Variants in AKT3 observed in about 807,000 individuals in gnomAD.
The protein encoded by AKT3 is AKT serine/threonine kinase 3.
AKT3 carries 15 observed loss-of-function variants against 65.3 expected under a neutral mutation model. The ratio of observed to expected loss-of-function variants is 0.23; its 90% confidence interval spans 0.15 to 0.35. The LOEUF is 0.35. AKT3 is among the 10% of genes least tolerant of loss of function. AKT3 has a pLI of 1.00. For synonymous variants in AKT3, 206 were observed against 183.8 expected (o/e 1.12, Z -0.98); for missense variants, 243 against 576.5 (o/e 0.42, Z 5.92).
chr1:243,716,175 T>C (rs1686502256), intron 2 of AKT3, among the ~76,000 whole-genome samples: 1 of 152,070 alleles, frequency 6.6e-6, no homozygotes, highest in African/African-American at 2.4e-5. Context: ...TCTGATATCC[T>C]TTACCTAAAG....
chr1:243,764,079 G>T (rs1310704490), intron 2 of AKT3, among the ~76,000 whole-genome samples: 1 of 152,034 alleles, frequency 6.6e-6, no homozygotes, highest in Non-Finnish European at 1.5e-5. Context: ...TTATACAACA[G>T]ATTACAATCA....
At position 243,563,849 on chromosome 1, in the gene AKT3, C is replaced by A. The variant is rs2148488321; in HGVS notation, c.820-1G>T. 1 of 1,603,368 alleles carries A rather than the reference C, an allele frequency of 6.2e-7. No individual in the cohort carries two copies. Among genetic ancestry groups the A allele is most frequent in the African/African-American group, 1.3e-5 (1 of 74,414 alleles). On this transcript the variant is annotated splice_acceptor_variant, in intron 9 of 13. Coordinates refer to ENST00000673466, the MANE Select transcript of AKT3 (RefSeq NM_005465.7). LOFTEE classifies it high-confidence loss of function. ...CTTTGTCCAGCATTAGATTCTCCAA[C>A]TGTGTATTAAGAAAAATGACATAAT...
chr1:243,584,129 A>G (rs1052955468), intron 8 of AKT3, among the ~76,000 whole-genome samples: 2 of 152,128 alleles, frequency 1.3e-5, no homozygotes, highest in African/African-American at 4.8e-5. Context: ...TAGAAATGAC[A>G]AAGATTACAT....
chr1:243,607,620 T>TG (rs1258285346), intron 8 of AKT3, among the ~76,000 whole-genome samples: 1 of 152,206 alleles, frequency 6.6e-6, no homozygotes, highest in Non-Finnish European at 1.5e-5. Context: ...ACTTTGAACT[T>TG]GGACTTTTGG....
At chr1:243,801,141 C>T (rs1432760761) in intron 2 of AKT3, among the ~76,000 whole-genome samples, 1 of 152,100 alleles carries the variant, frequency 6.6e-6, no homozygotes, top group Non-Finnish European at 1.5e-5. Context: ...TTAAAATGAG[C>T]TACTAGCTTT....
At chr1:243,638,831 A>G (rs1680166965) in intron 5 of AKT3, among the ~76,000 whole-genome samples, 1 of 152,132 alleles carries the variant, frequency 6.6e-6, no homozygotes, top group South Asian at 2.1e-4. Context: ...ACAAACTTAA[A>G]AAAAAAGCAA....
chr1:243,799,901 T>C (rs1020771225), intron 2 of AKT3, among the ~76,000 whole-genome samples: 2 of 152,054 alleles, frequency 1.3e-5, no homozygotes, highest in Non-Finnish European at 2.9e-5. Context: ...AAAAGAAAAA[T>C]ATTTCTTTCT....
intron 8 of AKT3, among the ~76,000 whole-genome samples, chr1:243,600,119 C>G (rs1187374452): frequency 6.6e-6 from 1 of 151,810 alleles, no homozygotes; most frequent in Non-Finnish European, 1.5e-5. Context: ...CTTTCAAGAC[C>G]TGTACACTAA....
intron 2 of AKT3, among the ~76,000 whole-genome samples, chr1:243,833,706 T>C (rs1477962762): frequency 6.6e-6 from 1 of 151,536 alleles, no homozygotes; most frequent in Non-Finnish European, 1.5e-5. Flanking sequence ...ATATTTAAAA[T>C]GATAAAAAAA....
intron 2 of AKT3, among the ~76,000 whole-genome samples, chr1:243,784,061 A>C (rs1039744265): frequency 3.9e-5 from 6 of 152,194 alleles, no homozygotes; most frequent in Non-Finnish European, 8.8e-5. Context: ...CAAAAATATA[A>C]ACAAATAAAA....
At chr1:243,513,750 G>C (rs770729203) in intron 12 of AKT3, among the ~76,000 whole-genome samples, 3 of 152,130 alleles carry the variant, frequency 2.0e-5, no homozygotes, top group African/African-American at 7.2e-5. Context: ...CCAACTCTAC[G>C]TTCCACTGAT....
intron 3 of AKT3, among the ~76,000 whole-genome samples, chr1:243,667,170 G>T (rs949343025): frequency 1.3e-5 from 2 of 152,324 alleles, no homozygotes; most frequent in Non-Finnish European, 2.9e-5. Context: ...GAGACCATTC[G>T]TAACTGGTTT....
At chr1:243,663,011 C>A (rs1406786267) in intron 4 of AKT3, among the ~76,000 whole-genome samples, 1 of 152,116 alleles carries the variant, frequency 6.6e-6, no homozygotes, top group Non-Finnish European at 1.5e-5. Flanking sequence ...TGTTAAAAAT[C>A]CACTAAGAAT....
In AKT3 at chr1:243,673,398, GATATT is replaced by G. The variant is rs199942555; in HGVS notation, c.173-8520_173-8516del. Reference sequence around the variant, plus strand: ...AAACAAAAATGAGACCATTATTGATGATATTATATGTTTTGGATATTTTCCATTTC... The same window carrying G: ...AAACAAAAATGAGACCATTATTGATGATATGTTTTGGATATTTTCCATTTC... On this transcript the variant is annotated intron_variant, in intron 3 of 13. Transcript: ENST00000673466. Among the ~76,000 whole-genome samples, 694 of 152,092 alleles carry G rather than the reference GATATT, an allele frequency of 4.6e-3. 7 individuals are homozygous for G. The highest frequency in any genetic ancestry group is 0.016 in the African/African-American group (663 of 41,510).
chr1:243,664,140 CAATT>C (rs1682593910), intron 4 of AKT3, among the ~76,000 whole-genome samples: 1 of 139,848 alleles, frequency 7.2e-6, no homozygotes, highest in African/African-American at 2.6e-5. Flanking sequence ...TGAATACAAT[CAATT>C]ATACAATTTT....
intron 3 of AKT3, among the ~76,000 whole-genome samples, chr1:243,683,750 T>A (rs980506201): frequency 5.9e-5 from 9 of 152,204 alleles, no homozygotes; most frequent in African/African-American, 2.2e-4. Flanking sequence ...ATGTCCTCAG[T>A]ATAAACTATT....
chr1:243,500,043 C>T lies in AKT3; in HGVS notation c.*5206G>A, dbSNP rs1669104083. 10 of 535,960 alleles carry T rather than the reference C, an allele frequency of 1.9e-5. 1 individual carries two copies. In the South Asian group the frequency reaches 2.7e-4, roughly 15 times the overall value. The allele number at this position is 535,960 out of a possible 1,614,324, so 33.2% of individuals were successfully genotyped here. On this transcript the variant is annotated 3_prime_UTR_variant, in exon 14 of 14. Coordinates refer to ENST00000673466, the MANE Select transcript of AKT3 (RefSeq NM_005465.7). Reference sequence around the variant, plus strand: ...AGTTATGTGTTTAAATCTGCTCATTCGTATGCTAGGTTATACATATGATTT... The same window carrying T: ...AGTTATGTGTTTAAATCTGCTCATTTGTATGCTAGGTTATACATATGATTT...
intron 2 of AKT3, among the ~76,000 whole-genome samples, chr1:243,720,614 G>A (rs1686827581): frequency 6.6e-6 from 1 of 151,652 alleles, no homozygotes; most frequent in South Asian, 2.1e-4. Context: ...GATGTGAGGA[G>A]AAAAAAAGAG....
At chr1:243,689,062 A>T (rs1452571531) in intron 3 of AKT3, among the ~76,000 whole-genome samples, 1 of 152,182 alleles carries the variant, frequency 6.6e-6, no homozygotes, top group East Asian at 1.9e-4. Flanking sequence ...GCTTCTCTCA[A>T]CTTCTACAGC....
Sources: allele counts gnomAD v4.1 joint callset (sites outside exome capture counted in the v4.1 genomes callset), GRCh38; gene constraint gnomAD v4.1.1; transcripts MANE v1.5; gene names NCBI Gene and HGNC (gene_info 2026-07-23, HGNC 2026-07-21).